MDN1: variants seen among roughly 807,000 people sequenced by gnomAD.
MDN1 encodes the protein midasin AAA ATPase 1, also known as midasin.
A neutral mutation model predicts 669.2 loss-of-function variants in MDN1; 266 were observed. The ratio of observed to expected loss-of-function variants is 0.40; its 90% CI spans 0.36 to 0.44. MDN1 has a LOEUF of 0.44. Ranked by LOEUF, MDN1 falls within the 20% of genes least tolerant of loss-of-function variation. The probability of loss-of-function intolerance (pLI) is 1.00; values close to 1 mark genes in which losing one functional copy is unlikely to be tolerated. For synonymous variants in MDN1, 2,385 were observed against 2,457.1 expected, an observed-to-expected ratio of 0.97 and a Z score of 0.87; for missense variants, 5,940 against 6,754.0, an observed-to-expected ratio of 0.88 and a Z score of 4.22.
Position 89,708,484 on chromosome 6 carries a change from G to C in MDN1, c.7898+12C>G, listed in dbSNP as rs1266389361. 1 of 1,613,688 alleles carries C rather than the reference G, an allele frequency of 6.2e-7. No homozygotes were observed. Among genetic ancestry groups the C allele is most frequent in the South Asian group, 1.1e-5 (1 of 90,994 alleles). ...GAGGCAAACAGTGCCCAGAGCAGCAGGTTTCACTTACTTGTTTGCAGCTGA... is the reference window on the plus strand; with the variant it reads ...GAGGCAAACAGTGCCCAGAGCAGCACGTTTCACTTACTTGTTTGCAGCTGA... On this transcript the variant is annotated intron_variant, in intron 51 of 101. Transcript: ENST00000369393.
chr6:89,646,784 A>G (rs983412607), intron 99 of MDN1, among the ~76,000 whole-genome samples, 181 bp from the exon 100 acceptor site: 1 of 152,170 alleles, frequency 6.6e-6, no homozygotes, highest in African/African-American at 2.4e-5. Flanking sequence ...CCTTGGATAC[A>G]GACATTCTGT....
At chr6:89,710,654 T>C (rs1417666942) in intron 50 of MDN1, 27 bp downstream of exon 50, 31 of 1,345,632 alleles carry the variant, frequency 2.3e-5, no homozygotes, top group Non-Finnish European at 3.1e-5. Context: ...AAAACAGTGC[T>C]GAGAGCTAGA....
Position 89,749,599 on chromosome 6 carries a change from G to C in MDN1, c.3559C>G (p.Pro1187Ala). The change falls in exon 25 of 102, where the codon CCT becomes GCT. Residue 1187 changes from proline to alanine, a missense_variant. Coordinates refer to ENST00000369393, the MANE Select transcript of MDN1 (RefSeq NM_014611.3). Reference protein sequence around the residue: ...TETQEVVKAHPRFMLFATQNP... With the variant: ...TETQEVVKAHARFMLFATQNP... ...TGGGTGGCAAAAAGCATAAACCGAG[G>C]GTGTGCTTTAACAACTTCCTGTGTT... The C allele has an allele frequency of 1.2e-6, 2 of 1,614,066 alleles. No homozygotes were observed. Among genetic ancestry groups the C allele is most frequent in the Non-Finnish European group, 8.5e-7 (1 of 1,180,006 alleles).
intron 1 of MDN1, among the ~76,000 whole-genome samples, chr6:89,818,707 G>A (rs1243973310): frequency 1.3e-5 from 2 of 151,952 alleles, no homozygotes; most frequent in East Asian, 3.9e-4. Flanking sequence ...CTACTGAGAG[G>A]GTGAGGCAGG....
chr6:89,774,752 T>C lies in MDN1; in HGVS notation c.1822-19A>G, dbSNP rs1391956452. The stretch of plus-strand genomic sequence containing the variant: ...ATTCAGCCTGTAGGAGGTAAGATTT[T>C]ACCTGAGTAAAAATCCACATGCTTT... On this transcript the variant is annotated intron_variant, in intron 12 of 101. Coordinates refer to ENST00000369393, the MANE Select transcript of MDN1 (RefSeq NM_014611.3). 2 of 1,545,998 alleles carry C rather than the reference T, an allele frequency of 1.3e-6. No individual in the cohort carries two copies. The highest frequency in any genetic ancestry group is 3.3e-5 in the Admixed American group (2 of 59,866).
chr6:89,715,595 C>T (rs1203981451), intron 45 of MDN1, 58 bp downstream of exon 45: 1 of 1,027,246 alleles, frequency 9.7e-7, no homozygotes, highest in Non-Finnish European at 1.5e-6. Context: ...TACTGAACGT[C>T]TACCTCTGCT....
chr6:89,791,712 C>T (rs191654130), intron 5 of MDN1, among the ~76,000 whole-genome samples: 1 of 152,046 alleles, frequency 6.6e-6, no homozygotes, highest in Non-Finnish European at 1.5e-5. Flanking sequence ...TGGCTTACAC[C>T]TGTAATCCCA....
rs768317176 is a variant in MDN1 at position 89,747,347 on chromosome 6, G to C, written c.3886C>G (p.Gln1296Glu). The change falls in exon 27 of 102, where the codon CAG becomes GAG. Residue 1296 changes from glutamine to glutamate, a missense_variant. Gln to Glu is a conservative substitution (Grantham distance 29). Transcript: ENST00000369393. ...EPTEKEYDWL[Q>E]HLANDGYMLL... The stretch of plus-strand genomic sequence containing the variant: ...AACACACCATCATTGGCTAAATGCT[G>C]TAGCCAGTCATACTCCTTCTCGGTC... 2 of 1,613,818 alleles carry C rather than the reference G, an allele frequency of 1.2e-6. No individual in the cohort carries two copies. The highest frequency in any genetic ancestry group is 4.5e-5 in the East Asian group (2 of 44,868).
rs1226195718 is a variant in MDN1 at position 89,756,355 on chromosome 6, T to A, written c.2738A>T (p.Lys913Ile). 6.3e-7 allele frequency: 1 copy of A among 1,599,334 alleles called. No homozygotes were observed. The highest frequency in any genetic ancestry group is 2.2e-5 in the East Asian group (1 of 44,520). ...TELYVEELESKEDLQVLIVDY... is the reference protein window; with the variant it reads ...TELYVEELESIEDLQVLIVDY... The stretch of plus-strand genomic sequence containing the variant: ...TACAATAAGAACCTGTAAGTCTTCT[T>A]TGCTTTCTAATTCTTCTACATAAAG... The change falls in exon 20 of 102, where the codon AAA becomes ATA. Residue 913 changes from lysine to isoleucine, a missense_variant. This residue lies in a region of MDN1 where 1,203 missense variants were observed against 1,268.9 expected (regional missense o/e 0.95). Coordinates refer to ENST00000369393, the MANE Select transcript of MDN1 (RefSeq NM_014611.3).
Position 89,750,409 on chromosome 6 carries a change from C to T in MDN1, c.3351G>A (p.Gln1117=). The change falls in exon 24 of 102, where the codon CAG becomes CAA. Residue 1117 remains glutamine, a synonymous_variant. Transcript: ENST00000369393. ...CAGACGTGTAACAACCAATGTACTC[C>T]TGAATATCCGTGTGTTCGTGATTAT... is the stretch of plus-strand genomic sequence containing the variant. The part of the protein sequence containing the change: ...RINNHEHTDI[Q]EYIGCYTSDS... 7 of 1,614,044 alleles carry T rather than the reference C, an allele frequency of 4.3e-6. No homozygotes were observed. Among genetic ancestry groups the T allele is most frequent in the Non-Finnish European group, 5.9e-6 (7 of 1,179,916 alleles).
intron 26 of MDN1, 32 bp downstream of exon 26, chr6:89,749,191 A>G: frequency 6.3e-7 from 1 of 1,592,092 alleles, no homozygotes; most frequent in Non-Finnish European, 8.6e-7. Flanking sequence ...ATCACCAAGT[A>G]TAATCAATAC....
intron 91 of MDN1, 42 bp downstream of exon 91, chr6:89,656,658 C>A: frequency 1.2e-5 from 14 of 1,172,746 alleles, no homozygotes; most frequent in Non-Finnish European, 1.6e-5. Context: ...TCTTTTTCTA[C>A]ATGCTGCCTT....
chr6:89,765,386 G>C (rs1202801490), intron 15 of MDN1, among the ~76,000 whole-genome samples: 2 of 152,220 alleles, frequency 1.3e-5, no homozygotes, highest in Non-Finnish European at 2.9e-5. Context: ...CAGTGGACTA[G>C]ACAGTAGATA....
Position 89,699,645 on chromosome 6 carries a change from G to T in MDN1, c.8953C>A (p.Pro2985Thr). The T allele has an allele frequency of 6.2e-7, 1 of 1,613,970 alleles. No individual in the cohort carries two copies. The highest frequency in any genetic ancestry group is 8.5e-7 in the Non-Finnish European group (1 of 1,179,952). ...SFCLYHTPVT[P>T]QELRDLWSLL... ...GACCACAGATCTCGAAGCTCTTGAGGTGTAACAGGTGTGTGATAAAGACAA... is the reference window on the plus strand; with the variant it reads ...GACCACAGATCTCGAAGCTCTTGAGTTGTAACAGGTGTGTGATAAAGACAA... Residue 2985 changes from proline (P) to threonine (T), a missense_variant, in exon 58 of 102, where the codon CCT (proline) becomes ACT (threonine). Around this residue, in one of 5 missense-constraint regions of MDN1, gnomAD observed 2,292 missense variants for 2,638.3 expected, o/e 0.87. Transcript: ENST00000369393.
At position 89,690,013 on chromosome 6, in the gene MDN1, T is replaced by C. The variant is rs1160733359; in HGVS notation, c.10880A>G (p.His3627Arg). Residue 3627 changes from histidine (H) to arginine (R), a missense_variant, in exon 65 of 102, where the codon CAC becomes CGC. His to Arg is a conservative substitution (Grantham distance 29). This residue lies in a region of MDN1 where 2,280 missense variants were observed against 2,576.3 expected (regional missense o/e 0.88). Coordinates refer to ENST00000369393, the MANE Select transcript of MDN1 (RefSeq NM_014611.3). ...QNSMQAVMLI[H>R]QQLCLNFARS... ...AGCAAAGTTGAGACACAATTGCTGG[T>C]GTATCAGCATTACTGCCTGCATTGA... is the stretch of plus-strand genomic sequence containing the variant. The C allele has an allele frequency of 6.2e-7, 1 of 1,614,186 alleles. No homozygotes were observed. Among genetic ancestry groups the C allele is most frequent in the Non-Finnish European group, 8.5e-7 (1 of 1,180,034 alleles).
At chr6:89,703,750 T>C (rs1331589289) in intron 53 of MDN1, among the ~76,000 whole-genome samples, 2 of 152,148 alleles carry the variant, frequency 1.3e-5, no homozygotes, top group Non-Finnish European at 2.9e-5. Flanking sequence ...CGGTGGTTCA[T>C]ACCTGTAATC....
Position 89,683,850 on chromosome 6 carries a change from A to ATT in MDN1, c.11882_11883dup (p.Ser3962AsnfsTer3). On this transcript the variant is annotated frameshift_variant, in exon 72 of 102. Coordinates refer to ENST00000369393, the MANE Select transcript of MDN1 (RefSeq NM_014611.3). LOFTEE classifies it high-confidence loss of function. Reference sequence around the variant, plus strand: ...GATTACCTGTGTGTCTTTTCTACAGATTGCTTAATGGACCAGAAGCTGACA... The same window carrying ATT: ...GATTACCTGTGTGTCTTTTCTACAGATTTTGCTTAATGGACCAGAAGCTGACA... 1 of 1,613,536 alleles carries ATT rather than the reference A, an allele frequency of 6.2e-7. No individual in the cohort carries two copies.
At chr6:89,759,880 T>C (rs1817449387) in intron 17 of MDN1, among the ~76,000 whole-genome samples, 1 of 151,434 alleles carries the variant, frequency 6.6e-6, no homozygotes, top group Non-Finnish European at 1.5e-5. Flanking sequence ...AACACCAGCC[T>C]GGCCAACATG....
At chr6:89,733,213 T>G (rs1009760328) in intron 33 of MDN1, among the ~76,000 whole-genome samples, 4 of 152,148 alleles carry the variant, frequency 2.6e-5, no homozygotes, top group Admixed American at 2.6e-4. Context: ...TTCAATGGCA[T>G]GCATTCAAGT....
Sources: gnomAD v4.1 joint callset for allele counts (sites outside exome capture counted in the v4.1 genomes callset) on GRCh38, gnomAD v4.1.1 for gene constraint, gnomAD v4.1.1 regional missense constraint, MANE v1.5 for transcripts, NCBI Gene and HGNC (gene_info 2026-07-23, HGNC 2026-07-21) for gene names.